COPS2: variants seen among roughly 807,000 people sequenced by gnomAD.
The protein encoded by COPS2 is COP9 signalosome subunit 2.
A neutral mutation model predicts 66.1 loss-of-function variants in COPS2; 10 were observed. The ratio of observed to expected loss-of-function variants is 0.15; its 90% CI spans 0.09 to 0.26. The LOEUF (loss-of-function observed/expected upper bound fraction) is 0.26. Among genes scored for constraint, COPS2 ranks in the 10% least tolerant of loss-of-function variants. The pLI is 1.00. For synonymous variants in COPS2, 179 were observed against 171.3 expected (o/e 1.04, Z -0.35); for missense variants, 215 against 513.3 (o/e 0.42, Z 5.62).
intron 6 of COPS2, among the ~76,000 whole-genome samples, chr15:49,135,416 T>G (rs1394304416): frequency 6.6e-6 from 1 of 152,124 alleles, no homozygotes; most frequent in Non-Finnish European, 1.5e-5. Context: ...GTTCCCGGTC[T>G]CAAAAAGTTC....
intron 3 of COPS2, among the ~76,000 whole-genome samples, chr15:49,142,961 A>C (rs531793014): frequency 4.6e-5 from 7 of 152,146 alleles, no homozygotes; most frequent in Non-Finnish European, 7.3e-5. Flanking sequence ...TAAATAATAG[A>C]TCACATGGTG....
chr15:49,127,863 C>G lies in COPS2; in HGVS notation c.*87G>C. 1 of 1,357,852 alleles carries G rather than the reference C, an allele frequency of 7.4e-7. No homozygotes were observed. The allele number at this position is 1,357,852 out of a possible 1,614,324, so 84.1% of individuals were successfully genotyped here. ...CCAATAATTTTCAGGACACATCAACCGACAGTAGTTTTGCCATTCCCAGTT... is the reference window on the plus strand; with the variant it reads ...CCAATAATTTTCAGGACACATCAACGGACAGTAGTTTTGCCATTCCCAGTT... On this transcript the variant is annotated 3_prime_UTR_variant, in exon 13 of 13. Transcript: ENST00000388901.
intron 6 of COPS2, among the ~76,000 whole-genome samples, chr15:49,136,708 G>A (rs150504321): frequency 6.6e-6 from 1 of 152,218 alleles, no homozygotes; most frequent in Non-Finnish European, 1.5e-5. Flanking sequence ...AGATTGAGGG[G>A]CCAGGCATGG....
At chr15:49,130,165 T>C (rs2141122427) in intron 10 of COPS2, among the ~76,000 whole-genome samples, 1 of 152,210 alleles carries the variant, frequency 6.6e-6, no homozygotes, top group East Asian at 1.9e-4. Context: ...AAATGGTCAT[T>C]TAAAAACCTT....
chr15:49,137,265 C>T, intron 5 of COPS2, 38 bp from the exon 6 acceptor site: 3 of 1,547,416 alleles, frequency 1.9e-6, no homozygotes, highest in Middle Eastern at 1.7e-4. Flanking sequence ...AAGATTTCAA[C>T]AGAAGATGTG....
In COPS2 at chr15:49,125,571, C is replaced by T. The variant is rs891093375; in HGVS notation, c.*2379G>A. 3 of 152,074 alleles carry T rather than the reference C, an allele frequency of 2.0e-5. No homozygotes were observed. 9.4% of individuals were successfully genotyped at this position (152,074 alleles called of 1,614,324 possible). On this transcript the variant is annotated 3_prime_UTR_variant, in exon 13 of 13. Coordinates refer to ENST00000388901, the MANE Select transcript of COPS2 (RefSeq NM_004236.4). Reference sequence around the variant, plus strand: ...AAATTTATATTTCGATAAGCAATCTCTAAGATTTCAACTCTACAATATTTG... The same window carrying T: ...AAATTTATATTTCGATAAGCAATCTTTAAGATTTCAACTCTACAATATTTG...
At chr15:49,146,309 T>C (rs1019807542) in intron 1 of COPS2, among the ~76,000 whole-genome samples, 1 of 152,148 alleles carries the variant, frequency 6.6e-6, no homozygotes, top group Non-Finnish European at 1.5e-5. Context: ...GGAACACTTC[T>C]TTTAGGGACA....
intron 1 of COPS2, among the ~76,000 whole-genome samples, chr15:49,151,460 A>G (rs1439939656): frequency 6.6e-6 from 1 of 152,134 alleles, no homozygotes; most frequent in Non-Finnish European, 1.5e-5. Flanking sequence ...AGGACTTACT[A>G]AAGACTAATT....
intron 7 of COPS2, 100 bp downstream of exon 7, chr15:49,134,240 T>C (rs182470368): frequency 1.4e-6 from 2 of 1,405,690 alleles, no homozygotes; most frequent in East Asian, 4.6e-5. Context: ...TGAATACTAC[T>C]GGCCCCAAGG....
intron 1 of COPS2, among the ~76,000 whole-genome samples, chr15:49,154,365 T>C (rs888668780): frequency 6.6e-6 from 1 of 152,200 alleles, no homozygotes; most frequent in East Asian, 1.9e-4. Flanking sequence ...TTAAAAATTA[T>C]AAAAATCTCT....
In COPS2 at chr15:49,130,573, C is replaced by T. The variant is rs1335610250; in HGVS notation, c.1045+146G>A. On this transcript the variant is annotated intron_variant, in intron 10 of 12. Coordinates refer to ENST00000388901, the MANE Select transcript of COPS2 (RefSeq NM_004236.4). ...AGAGCTTCATAATTTTAAGGAATAT[C>T]CCATCCAATGACAGCATTTAGAAAC... 3.0e-5 allele frequency: 13 copies of T among 436,142 alleles called. No individual in the cohort carries two copies. In the East Asian group the frequency reaches 3.2e-4, roughly 11 times the overall value. 27.0% of individuals were successfully genotyped at this position (436,142 alleles called of 1,614,324 possible).
At chr15:49,153,887 AGAG>A (rs1319124173) in intron 1 of COPS2, among the ~76,000 whole-genome samples, 1 of 152,148 alleles carries the variant, frequency 6.6e-6, no homozygotes, top group African/African-American at 2.4e-5. Context: ...TGTGGGGGGA[AGAG>A]GAGTGGGGAA....
At chr15:49,132,169 A>G (rs17472989) in intron 9 of COPS2, among the ~76,000 whole-genome samples, 38,109 of 152,008 alleles carry the variant, frequency 0.25, 5,949 homozygotes, top group Non-Finnish European at 0.35. Flanking sequence ...TTTGGTTCTT[A>G]GTTAATGTGA....
At chr15:49,147,571 T>C (rs1187049262) in intron 1 of COPS2, among the ~76,000 whole-genome samples, 5 of 152,076 alleles carry the variant, frequency 3.3e-5, no homozygotes, top group Non-Finnish European at 5.9e-5. Flanking sequence ...AATTATAACA[T>C]TGTTAAAAAC....
At chr15:49,130,208 G>A (rs2084198008) in intron 10 of COPS2, among the ~76,000 whole-genome samples, 2 of 152,086 alleles carry the variant, frequency 1.3e-5, no homozygotes, top group Admixed American at 1.3e-4. Context: ...GAAAATCGGA[G>A]CTATAAAAGA....
chr15:49,126,239 G>A lies in COPS2; in HGVS notation c.*1711C>T, dbSNP rs961416199. On this transcript the variant is annotated 3_prime_UTR_variant, in exon 13 of 13. Transcript: ENST00000388901. ...ACATTTTGTCTTTTGTTTTCTTTCCGTTTTCTACAATTTCCAACTTGTACC... is the reference window on the plus strand; with the variant it reads ...ACATTTTGTCTTTTGTTTTCTTTCCATTTTCTACAATTTCCAACTTGTACC... 2 of 151,788 alleles carry A rather than the reference G, an allele frequency of 1.3e-5. No homozygotes were observed. The highest frequency in any genetic ancestry group is 2.4e-5 in the African/African-American group (1 of 41,228). The allele number at this position is 151,788 out of a possible 1,614,324, so 9.4% of individuals were successfully genotyped here. A position where few individuals can be genotyped will look rare whatever the true frequency, so the allele number is the denominator to read the frequency against.
intron 1 of COPS2, among the ~76,000 whole-genome samples, chr15:49,145,482 AT>A (rs1490901643): frequency 1.3e-5 from 2 of 152,118 alleles, no homozygotes; most frequent in Non-Finnish European, 2.9e-5. Context: ...CTGTAATCTA[AT>A]TTTTCTATTC....
At chr15:49,130,691 T>C (rs753593074) in intron 10 of COPS2, 28 bp downstream of exon 10, 2 of 1,345,734 alleles carry the variant, frequency 1.5e-6, no homozygotes, top group Non-Finnish European at 2.1e-6. Flanking sequence ...AAGAAAGTAA[T>C]AGAATCCAGT....
Position 49,127,877 on chromosome 15 carries a change from C to T in COPS2, c.*73G>A, listed in dbSNP as rs2084179662. The T allele has an allele frequency of 2.8e-6, 4 of 1,448,834 alleles. No homozygotes were observed. Among genetic ancestry groups the T allele is most frequent in the East Asian group, 2.4e-5 (1 of 41,856 alleles). The allele number at this position is 1,448,834 out of a possible 1,614,324, so 89.7% of individuals were successfully genotyped here. On this transcript the variant is annotated 3_prime_UTR_variant, in exon 13 of 13. Coordinates refer to ENST00000388901, the MANE Select transcript of COPS2 (RefSeq NM_004236.4). ...GACACATCAACCGACAGTAGTTTTGCCATTCCCAGTTCTTTTAAGGATTAC... is the reference window on the plus strand; with the variant it reads ...GACACATCAACCGACAGTAGTTTTGTCATTCCCAGTTCTTTTAAGGATTAC...
Sources: gnomAD v4.1 joint callset for allele counts (sites outside exome capture counted in the v4.1 genomes callset) on GRCh38, gnomAD v4.1.1 for gene constraint, MANE v1.5 for transcripts, NCBI Gene and HGNC (gene_info 2026-07-23, HGNC 2026-07-21) for gene names.